SLC22A4: variants seen among roughly 807,000 people sequenced by gnomAD.
SLC22A4 encodes the protein solute carrier family 22 member 4.
Under a neutral mutation model 56.6 loss-of-function variants are expected in SLC22A4, and 39 were observed. The ratio of observed to expected loss-of-function variants is 0.69; its 90% CI spans 0.53 to 0.90. The LOEUF is 0.90. SLC22A4 is among the 40% of genes least tolerant of loss of function. The pLI, the probability that SLC22A4 is intolerant of heterozygous loss-of-function variation, is 0.00. For missense variants in SLC22A4, 594 were observed against 696.5 expected (o/e 0.85, Z 1.66); for synonymous variants, 241 against 281.4 (o/e 0.86, Z 1.44).
At chr5:132,331,316 C>G (rs1750851307) in intron 5 of SLC22A4, among the ~76,000 whole-genome samples, 1 of 151,944 alleles carries the variant, frequency 6.6e-6, no homozygotes, top group Non-Finnish European at 1.5e-5. Context: ...GCCTGGGCCA[C>G]AGAGCTAGAC....
At position 132,308,701 on chromosome 5, in the gene SLC22A4, C is replaced by T. The variant is rs185021930; in HGVS notation, c.394-3460C>T. On this transcript the variant is annotated intron_variant, in intron 1 of 9. Coordinates refer to ENST00000200652, the MANE Select transcript of SLC22A4 (RefSeq NM_003059.3). Reference sequence around the variant, plus strand: ...TCTTAAATTAGAGCTGAAGGCCATGCGGCCCAGCTAAATGGAGCTCACTCT... The same window carrying T: ...TCTTAAATTAGAGCTGAAGGCCATGTGGCCCAGCTAAATGGAGCTCACTCT... Among the ~76,000 whole-genome samples, 7 of 152,272 alleles carry T rather than the reference C, an allele frequency of 4.6e-5. No homozygotes were observed. The East Asian group carries it at 7.7e-4, about 17-fold the overall frequency.
chr5:132,332,021 T>C (rs1750872259), intron 6 of SLC22A4, among the ~76,000 whole-genome samples, 171 bp downstream of exon 6: 1 of 152,164 alleles, frequency 6.6e-6, no homozygotes, highest in African/African-American at 2.4e-5. Context: ...GGACTAGATA[T>C]TGAAAAATGT....
intron 2 of SLC22A4, 122 bp downstream of exon 2, chr5:132,312,386 T>C (rs1174507027): frequency 5.4e-6 from 4 of 743,084 alleles, no homozygotes; most frequent in African/African-American, 5.1e-5. Context: ...AGGCCACTGA[T>C]TCAGTGATAG....
intron 1 of SLC22A4, among the ~76,000 whole-genome samples, chr5:132,296,126 C>T (rs1749771886): frequency 6.6e-6 from 1 of 152,198 alleles, no homozygotes; most frequent in African/African-American, 2.4e-5. Context: ...AAATAAATCA[C>T]CCTCTCTGTG....
intron 9 of SLC22A4, among the ~76,000 whole-genome samples, chr5:132,341,036 G>GA (rs34796927): frequency 0.71 from 107,028 of 151,724 alleles, 38,303 homozygotes; most frequent in African/African-American, 0.81. Context: ...AGAACTGCTT[G>GA]ACCCAGGAGG....
chr5:132,327,335 G>T lies in SLC22A4; in HGVS notation c.883G>T (p.Asp295Tyr). The part of the protein sequence containing the change: ...ISQRRFREAE[D>Y]IIQKAAKMNN... ...CCAGAGAAGATTTAGAGAGGCTGAA[G>T]ATATCATCCAAAAAGCTGCAAAAAT... is the stretch of plus-strand genomic sequence containing the variant. The change falls in exon 5 of 10, where the codon GAT becomes TAT. Residue 295 changes from aspartate to tyrosine, a missense_variant. By Grantham distance (160) the Asp-to-Tyr change is radical. Transcript: ENST00000200652. 1 of 1,608,422 alleles carries T rather than the reference G, an allele frequency of 6.2e-7. No homozygotes were observed. Among genetic ancestry groups the T allele is most frequent in the Non-Finnish European group, 8.5e-7 (1 of 1,174,882 alleles).
intron 1 of SLC22A4, among the ~76,000 whole-genome samples, chr5:132,306,197 CT>C (rs1273959049): frequency 1.3e-5 from 2 of 151,530 alleles, no homozygotes; most frequent in Non-Finnish European, 1.5e-5. Flanking sequence ...TGAGTATATA[CT>C]TACCGTATGA....
rs760813238 is a variant in SLC22A4 at position 132,331,836 on chromosome 5, G to A, written c.1032G>A (p.Met344Ile). 1.9e-6 allele frequency: 3 copies of A among 1,607,340 alleles called. No individual in the cohort carries two copies. The Admixed American group carries it at 5.0e-5, about 27-fold the overall frequency. The change falls in exon 6 of 10, where the codon ATG becomes ATA. Residue 344 changes from methionine to isoleucine, a missense_variant. Physicochemically the swap from Met to Ile is conservative, Grantham distance 10 (BLOSUM62 1). Transcript: ENST00000200652. ...RTRNIAIMTI[M>I]SLLLWMLTSV... ...GGAATATTGCCATAATGACCATTAT[G>A]TCTTTGCTGCTATGGTAAGTAATAA...
At chr5:132,315,295 AG>A (rs1180053257) in intron 3 of SLC22A4, among the ~76,000 whole-genome samples, 1 of 152,162 alleles carries the variant, frequency 6.6e-6, no homozygotes, top group Non-Finnish European at 1.5e-5. Context: ...CCCATATCCC[AG>A]GAGGACCTGA....
intron 8 of SLC22A4, among the ~76,000 whole-genome samples, chr5:132,339,251 C>G (rs573411046): frequency 6.6e-6 from 1 of 152,208 alleles, no homozygotes; most frequent in African/African-American, 2.4e-5. Context: ...TCCTAGTTTA[C>G]CATTTGTATT....
Position 132,343,826 on chromosome 5 carries a change from T to A in SLC22A4, c.1647T>A (p.Thr549=), listed in dbSNP as rs116837840. Residue 549 remains threonine, a synonymous_variant, in exon 10 of 10, where the codon ACT becomes ACA. Transcript: ENST00000200652. The part of the protein sequence containing the change: ...ETEENPKVLI[T]AF Reference sequence around the variant, plus strand: ...AAGAAAATCCCAAGGTTCTAATAACTGCATTCTGAAAAAATATCTACCCCA... The same window carrying A: ...AAGAAAATCCCAAGGTTCTAATAACAGCATTCTGAAAAAATATCTACCCCA... 1.9e-6 allele frequency: 3 copies of A among 1,599,026 alleles called. No individual in the cohort carries two copies. The highest frequency in any genetic ancestry group is 1.7e-6 in the Non-Finnish European group (2 of 1,167,620).
At position 132,331,367 on chromosome 5, in the gene SLC22A4, A is replaced by C. The variant is rs113301295; in HGVS notation, c.952-389A>C. ...CAAACAAATAAACAGAGAAGTGTAA[A>C]AAGCAGACGTGGCCTCAAGGAAGGG... is the stretch of plus-strand genomic sequence containing the variant. On this transcript the variant is annotated intron_variant, in intron 5 of 9. Coordinates refer to ENST00000200652, the MANE Select transcript of SLC22A4 (RefSeq NM_003059.3). Among the ~76,000 whole-genome samples, 5 of 152,172 alleles carry C rather than the reference A, an allele frequency of 3.3e-5. 1 individual carries two copies. The highest frequency in any genetic ancestry group is 1.2e-4 in the African/African-American group (5 of 41,524).
At chr5:132,322,447 G>A in intron 4 of SLC22A4, 92 bp downstream of exon 4, 2 of 1,321,182 alleles carry the variant, frequency 1.5e-6, no homozygotes, top group Non-Finnish European at 2.2e-6. Context: ...GCCTGGGCTT[G>A]CATGACCTCC....
At chr5:132,325,028 T>A (rs183746524) in intron 4 of SLC22A4, among the ~76,000 whole-genome samples, 1 of 152,018 alleles carries the variant, frequency 6.6e-6, no homozygotes, top group African/African-American at 2.4e-5. Context: ...TGGCCACAGG[T>A]GTGAATGGAG....
rs1400232251 is a variant in SLC22A4, at chr5:132,312,161, T to C, written c.394T>C (p.Trp132Arg). The C allele has an allele frequency of 6.3e-7, 1 of 1,598,542 alleles. No individual in the cohort carries two copies. Among genetic ancestry groups the C allele is most frequent in the South Asian group, 1.1e-5 (1 of 90,774 alleles). ...CGCTTCATGCTGTCTTCCTTGGCAG[T>C]GGAATCTGGTGTGTGAGGACAACTG... ...DVYLSTVVTE[W>R]NLVCEDNWKV... Residue 132 changes from tryptophan (W) to arginine (R), a missense_variant and splice_region_variant, in exon 2 of 10, where the codon TGG becomes CGG. Physicochemically the swap from Trp to Arg is moderately radical, Grantham distance 101 (BLOSUM62 -3). Transcript: ENST00000200652.
Position 132,340,599 on chromosome 5 carries a change from G to C in SLC22A4, c.1479G>C (p.Met493Ile). The change falls in exon 9 of 10, where the codon ATG (methionine) becomes ATC (isoleucine). Residue 493 changes from methionine to isoleucine, a missense_variant. Coordinates refer to ENST00000200652, the MANE Select transcript of SLC22A4 (RefSeq NM_003059.3). ...AYNRMLPYIV[M>I]GSLTVLIGIL... is the part of the protein sequence containing the mutation. ...ACAGAATGCTGCCCTACATCGTCAT[G>C]GGTAGTCTGACTGTCCTGATTGGAA... 6.2e-7 allele frequency: 1 copy of C among 1,613,924 alleles called. No homozygotes were observed. Among genetic ancestry groups the C allele is most frequent in the Non-Finnish European group, 8.5e-7 (1 of 1,179,868 alleles).
At chr5:132,316,266 G>A (rs1420088228) in intron 3 of SLC22A4, among the ~76,000 whole-genome samples, 2 of 152,146 alleles carry the variant, frequency 1.3e-5, no homozygotes, top group African/African-American at 4.8e-5. Flanking sequence ...TGCCACAGTC[G>A]TAGCAGACTA....
intron 1 of SLC22A4, among the ~76,000 whole-genome samples, chr5:132,305,666 G>A (rs1171507245): frequency 2.0e-5 from 3 of 152,152 alleles, no homozygotes; most frequent in African/African-American, 7.2e-5. Flanking sequence ...AAGGAAAAAA[G>A]AAACTGTCAA....
At chr5:132,318,140 A>G (rs1268558479) in intron 3 of SLC22A4, among the ~76,000 whole-genome samples, 1 of 152,220 alleles carries the variant, frequency 6.6e-6, no homozygotes, top group Non-Finnish European at 1.5e-5. Context: ...ACAGAGGGGA[A>G]GCCCTGAGCA....
Sources: gnomAD v4.1 joint callset for allele counts (sites outside exome capture counted in the v4.1 genomes callset) on GRCh38, gnomAD v4.1.1 for gene constraint, MANE v1.5 for transcripts, NCBI Gene and HGNC (gene_info 2026-07-23, HGNC 2026-07-21) for gene names.